Variants in NALF1 observed in about 807,000 individuals in gnomAD.
The protein encoded by NALF1 is family with sequence similarity 155 member A.
Under a neutral mutation model 48.4 loss-of-function variants are expected in NALF1, and 3 were observed. The ratio of observed to expected loss-of-function variants is 0.06; its 90% confidence interval spans 0.03 to 0.16. NALF1 has a LOEUF of 0.16. Ranked by LOEUF, NALF1 falls within the 10% of genes least tolerant of loss-of-function variation. NALF1 has a pLI of 1.00. For missense variants in NALF1, 526 were observed against 571.5 expected (o/e 0.92, Z 0.81); for synonymous variants, 262 against 245.7 (o/e 1.07, Z -0.62).
At chr13:107,260,860 C>T (rs1415648078) in intron 1 of NALF1, among the ~76,000 whole-genome samples, 1 of 152,142 alleles carries the variant, frequency 6.6e-6, no homozygotes, top group African/African-American at 2.4e-5. Flanking sequence ...GTTCTATAAG[C>T]CTGGGTTCTA....
chr13:107,572,971 C>T (rs1234231741), intron 1 of NALF1, among the ~76,000 whole-genome samples: 3 of 152,200 alleles, frequency 2.0e-5, no homozygotes, highest in Non-Finnish European at 2.9e-5. Context: ...CAGACCCCAT[C>T]TCCTGGTACT....
chr13:107,355,853 T>C (rs1201100143), intron 1 of NALF1, among the ~76,000 whole-genome samples: 1 of 152,154 alleles, frequency 6.6e-6, no homozygotes, highest in African/African-American at 2.4e-5. Flanking sequence ...GCAGAAAATG[T>C]TGACTGGAAA....
At chr13:107,677,771 T>C (rs1435905906) in intron 1 of NALF1, among the ~76,000 whole-genome samples, 4 of 152,180 alleles carry the variant, frequency 2.6e-5, no homozygotes, top group East Asian at 1.9e-4. Context: ...AATGTATCTA[T>C]AGTCTGCGAT....
intron 1 of NALF1, among the ~76,000 whole-genome samples, chr13:107,791,713 G>A (rs943514235): frequency 6.6e-6 from 1 of 152,092 alleles, no homozygotes; most frequent in South Asian, 2.1e-4. Flanking sequence ...CACTTTGGGA[G>A]GGTGAGGCAG....
chr13:107,361,795 G>T (rs1174229778), intron 1 of NALF1, among the ~76,000 whole-genome samples: 1 of 152,196 alleles, frequency 6.6e-6, no homozygotes, highest in Non-Finnish European at 1.5e-5. Flanking sequence ...AGTCAGCTTG[G>T]CTGGTGATCC....
intron 1 of NALF1, among the ~76,000 whole-genome samples, chr13:107,661,855 CAGA>C (rs1193956608): frequency 2.6e-5 from 4 of 152,104 alleles, no homozygotes; most frequent in Admixed American, 6.5e-5. Flanking sequence ...TAGCTCTACT[CAGA>C]AGAAGAAAAA....
At chr13:107,369,369 CTA>C (rs1883209304) in intron 1 of NALF1, among the ~76,000 whole-genome samples, 1 of 151,964 alleles carries the variant, frequency 6.6e-6, no homozygotes, top group Non-Finnish European at 1.5e-5. Flanking sequence ...ATAGAATTGC[CTA>C]TGTCAAGTGG....
At chr13:107,313,875 T>C (rs1469083733) in intron 1 of NALF1, among the ~76,000 whole-genome samples, 1 of 152,144 alleles carries the variant, frequency 6.6e-6, no homozygotes, top group East Asian at 1.9e-4. Flanking sequence ...TTACACATAT[T>C]GGTTGATGTT....
At chr13:107,826,779 C>T (rs1193034851) in intron 1 of NALF1, among the ~76,000 whole-genome samples, 1 of 152,200 alleles carries the variant, frequency 6.6e-6, no homozygotes, top group African/African-American at 2.4e-5. Flanking sequence ...GCTTCACTTC[C>T]TTGTTTACAT....
chr13:107,392,467 T>C (rs184779252), intron 1 of NALF1, among the ~76,000 whole-genome samples: 8 of 152,126 alleles, frequency 5.3e-5, no homozygotes, highest in Admixed American at 5.2e-4. Context: ...ATAGCAGAGA[T>C]AGCCCTCTCA....
chr13:107,711,002 G>A (rs1185339262), intron 1 of NALF1, among the ~76,000 whole-genome samples: 1 of 151,694 alleles, frequency 6.6e-6, no homozygotes, highest in Non-Finnish European at 1.5e-5. Flanking sequence ...ACTGAATCTA[G>A]GTGTTAGCAA....
At chr13:107,490,340 T>C (rs1268624728) in intron 1 of NALF1, among the ~76,000 whole-genome samples, 1 of 152,154 alleles carries the variant, frequency 6.6e-6, no homozygotes, top group Non-Finnish European at 1.5e-5. Flanking sequence ...CCATCAGTGA[T>C]AGACTGGATA....
chr13:107,374,471 A>G (rs1228469078), intron 1 of NALF1, among the ~76,000 whole-genome samples: 1 of 152,222 alleles, frequency 6.6e-6, no homozygotes, highest in Non-Finnish European at 1.5e-5. Context: ...ATTTTATATT[A>G]CAAGCTAAGC....
At chr13:107,428,364 A>G (rs1884315788) in intron 1 of NALF1, among the ~76,000 whole-genome samples, 1 of 152,244 alleles carries the variant, frequency 6.6e-6, no homozygotes, top group East Asian at 1.9e-4. Context: ...ATCTAGACCC[A>G]GCATTTGGGA....
chr13:107,376,641 A>C (rs1190249031), intron 1 of NALF1, among the ~76,000 whole-genome samples: 1 of 152,216 alleles, frequency 6.6e-6, no homozygotes, highest in Non-Finnish European at 1.5e-5. Flanking sequence ...TCCACGAATT[A>C]TGTCCAGTAT....
intron 1 of NALF1, among the ~76,000 whole-genome samples, chr13:107,379,634 C>G (rs909594235): frequency 1.3e-5 from 2 of 152,142 alleles, no homozygotes; most frequent in African/African-American, 4.8e-5. Context: ...CCTCTGTGCT[C>G]AGGACTCCAG....
At chr13:107,839,877 A>G (rs1165115607) in intron 1 of NALF1, among the ~76,000 whole-genome samples, 1 of 152,170 alleles carries the variant, frequency 6.6e-6, no homozygotes, top group African/African-American at 2.4e-5. Context: ...TACAATATTC[A>G]GTTTGCACTT....
intron 1 of NALF1, among the ~76,000 whole-genome samples, chr13:107,219,490 C>T (rs1016717925): frequency 6.6e-6 from 1 of 152,070 alleles, no homozygotes; most frequent in Non-Finnish European, 1.5e-5. Flanking sequence ...GGAATTGAGT[C>T]TTAAATAAGA....
intron 1 of NALF1, among the ~76,000 whole-genome samples, chr13:107,763,575 CT>C (rs897365642): frequency 1.3e-5 from 2 of 151,072 alleles, no homozygotes; most frequent in African/African-American, 4.9e-5. Context: ...TTTCTTGAAG[CT>C]TTGGGGCCTG....
Sources: allele counts gnomAD v4.1 joint callset (sites outside exome capture counted in the v4.1 genomes callset), GRCh38; gene constraint gnomAD v4.1.1; transcripts MANE v1.5; gene names NCBI Gene and HGNC (gene_info 2026-07-23, HGNC 2026-07-21).